The following SV2C variants were observed in gnomAD, a reference collection of about 807,000 sequenced individuals.
SV2C encodes the protein synaptic vesicle glycoprotein 2C.
Under a neutral mutation model 79.7 loss-of-function variants are expected in SV2C, and 49 were observed. The ratio of observed to expected loss-of-function variants is 0.61; its 90% CI spans 0.49 to 0.78. The LOEUF is 0.78. SV2C is among the 30% of genes least tolerant of loss of function. The pLI, the probability that SV2C is intolerant of heterozygous loss-of-function variation, is 0.00. For missense variants in SV2C, 833 were observed against 912.9 expected (o/e 0.91, Z 1.13); for synonymous variants, 334 against 333.2 (o/e 1.00, Z -0.03).
At position 76,239,922 on chromosome 5, in the gene SV2C, A is replaced by G. The variant is rs115566460; in HGVS notation, c.913+30035A>G. Among the ~76,000 whole-genome samples the G allele has an allele frequency of 7.8e-3, 1,182 of 152,296 alleles. 14 individuals are homozygous for G. Among genetic ancestry groups the G allele is most frequent in the African/African-American group, 0.027 (1,131 of 41,558 alleles). ...CAAATGCCCAACTCCCAGGAGGGCTATCTGCTTCCCTTCTTTGCAACATGA... is the reference window on the plus strand; with the variant it reads ...CAAATGCCCAACTCCCAGGAGGGCTGTCTGCTTCCCTTCTTTGCAACATGA... On this transcript the variant is annotated intron_variant, in intron 4 of 12. Coordinates refer to ENST00000502798, the MANE Select transcript of SV2C (RefSeq NM_014979.4).
the SV2C span, among the ~76,000 whole-genome samples, chr5:76,024,897 G>A: frequency 6.6e-6 from 1 of 152,186 alleles, no homozygotes; most frequent in Non-Finnish European, 1.5e-5. Context: ...AACCTGTGTT[G>A]TTCAAGGGTC....
At chr5:76,039,482 G>A in the SV2C span, among the ~76,000 whole-genome samples, 1 of 152,182 alleles carries the variant, frequency 6.6e-6, no homozygotes, top group Non-Finnish European at 1.5e-5. Flanking sequence ...GAGGCCAGGT[G>A]TGGTGGCTTA....
At chr5:76,325,305 A>G in intron 12 of SV2C, 59 bp from the exon 13 acceptor site, 1 of 1,560,414 alleles carries the variant, frequency 6.4e-7, no homozygotes, top group East Asian at 2.2e-5. Context: ...CTTTTGGTCT[A>G]AAGTTGGAAT....
At chr5:75,921,300 C>A in the SV2C span, 14 of 1,466,770 alleles carry the variant, frequency 9.5e-6, no homozygotes, top group Middle Eastern at 1.7e-4. Flanking sequence ...TCAAAAGGCT[C>A]CACGAGCTGC....
the SV2C span, among the ~76,000 whole-genome samples, chr5:75,859,893 T>C: frequency 6.6e-6 from 1 of 151,912 alleles, no homozygotes; most frequent in African/African-American, 2.4e-5. Flanking sequence ...TTAATCCTTT[T>C]CTCATCCCTT....
At chr5:76,306,038 C>A (rs1359801080) in intron 12 of SV2C, among the ~76,000 whole-genome samples, 1 of 152,008 alleles carries the variant, frequency 6.6e-6, no homozygotes, top group African/African-American at 2.4e-5. Flanking sequence ...TTTGGTGGAG[C>A]AGGGGGAAGG....
At chr5:76,246,236 C>G (rs947137539) in intron 4 of SV2C, among the ~76,000 whole-genome samples, 1 of 152,122 alleles carries the variant, frequency 6.6e-6, no homozygotes, top group Non-Finnish European at 1.5e-5. Context: ...AGTATTCATT[C>G]ATTTTTATCA....
chr5:76,189,249 T>C (rs1744023556), intron 2 of SV2C, among the ~76,000 whole-genome samples: 1 of 151,884 alleles, frequency 6.6e-6, no homozygotes, highest in East Asian at 2.0e-4. Flanking sequence ...AGACGGAGCT[T>C]ACACTGATGT....
At chr5:76,043,261 A>G in the SV2C span, among the ~76,000 whole-genome samples, 2 of 152,120 alleles carry the variant, frequency 1.3e-5, no homozygotes, top group Non-Finnish European at 2.9e-5. Flanking sequence ...ATTCTTGTCT[A>G]GTCTCCTCCC....
chr5:76,094,839 C>T (rs918088172), intron 1 of SV2C, among the ~76,000 whole-genome samples: 4 of 151,922 alleles, frequency 2.6e-5, no homozygotes, highest in Non-Finnish European at 4.4e-5. Flanking sequence ...TTTTGGATAC[C>T]AGATATGTAT....
the SV2C span, among the ~76,000 whole-genome samples, chr5:76,011,527 G>A: frequency 6.6e-6 from 1 of 151,986 alleles, no homozygotes; most frequent in Non-Finnish European, 1.5e-5. Flanking sequence ...TCTTTTCATA[G>A]CAAATATTTT....
At chr5:76,093,874 T>C (rs2112103191) in intron 1 of SV2C, among the ~76,000 whole-genome samples, 2 of 152,190 alleles carry the variant, frequency 1.3e-5, no homozygotes, top group East Asian at 3.8e-4. Flanking sequence ...AAGGAACAGT[T>C]TTAAGGAACT....
At chr5:75,959,878 T>C in the SV2C span, among the ~76,000 whole-genome samples, 1 of 151,998 alleles carries the variant, frequency 6.6e-6, no homozygotes, top group Non-Finnish European at 1.5e-5. Context: ...ATACTAAAAA[T>C]CAATATTCTT....
At chr5:76,334,596 G>T (rs980464207), downstream of SV2C, among the ~76,000 whole-genome samples, 38 of 152,256 alleles carry the variant, frequency 2.5e-4, no homozygotes, top group African/African-American at 8.4e-4. Flanking sequence ...CCCCCTATGG[G>T]CATGAGATGG....
At chr5:76,175,387 A>G (rs138950180) in intron 2 of SV2C, among the ~76,000 whole-genome samples, 45 of 152,356 alleles carry the variant, frequency 3.0e-4, no homozygotes, top group African/African-American at 9.9e-4. Context: ...ATTCAATTAA[A>G]AAGGGAATTT....
chr5:75,934,316 T>TTTTC, the SV2C span, among the ~76,000 whole-genome samples: 23 of 147,464 alleles, frequency 1.6e-4, 2 homozygotes, highest in South Asian at 5.0e-3. Flanking sequence ...TTTTTTTTTT[T>TTTTC]TTTCACTGTC....
At chr5:76,258,545 C>A (rs569749600) in intron 4 of SV2C, among the ~76,000 whole-genome samples, 3 of 152,122 alleles carry the variant, frequency 2.0e-5, no homozygotes, top group African/African-American at 4.8e-5. Context: ...TGAAATAGTG[C>A]GAAATCCACA....
rs1049834852 is a variant in SV2C, at chr5:76,138,645, G to A, written c.580+6315G>A. On this transcript the variant is annotated intron_variant, in intron 2 of 12. Coordinates refer to ENST00000502798, the MANE Select transcript of SV2C (RefSeq NM_014979.4). ...GACAGAAAAAATAAAGAAAGGGAAT[G>A]TAAGCCTCATGGGAACCAGGGATTT... is the stretch of plus-strand genomic sequence containing the variant. 9.9e-5 allele frequency among the ~76,000 whole-genome samples: 15 copies of A among 152,254 alleles called. No homozygotes were observed. In the East Asian group the frequency reaches 2.9e-3, roughly 29 times the overall value.
chr5:76,291,682 C>A, intron 7 of SV2C, 86 bp from the exon 8 acceptor site: 2 of 893,248 alleles, frequency 2.2e-6, no homozygotes, highest in Non-Finnish European at 3.5e-6. Context: ...GACAACTCAG[C>A]ATTTTTTATA....
Sources: allele counts gnomAD v4.1 joint callset (sites outside exome capture counted in the v4.1 genomes callset), GRCh38; gene constraint gnomAD v4.1.1; transcripts MANE v1.5; gene names NCBI Gene and HGNC (gene_info 2026-07-23, HGNC 2026-07-21).